The following ALG3 variants were observed in gnomAD, a reference collection of about 807,000 sequenced individuals.
The protein encoded by ALG3 is ALG3 alpha-1,3- mannosyltransferase.
Under a neutral mutation model 50.5 loss-of-function variants are expected in ALG3, and 39 were observed. The observed-to-expected ratio is 0.77, with a 90% CI of 0.60 to 1.01. The LOEUF (loss-of-function observed/expected upper bound fraction) is 1.01, where lower values mean the gene tolerates loss of function less well. ALG3 is among the 50% of genes least tolerant of loss of function. The pLI, the probability that ALG3 is intolerant of heterozygous loss-of-function variation, is 0.00. For synonymous variants in ALG3, 252 were observed against 237.2 expected, an observed-to-expected ratio of 1.06 and a Z score of -0.58; for missense variants, 520 against 554.8, an observed-to-expected ratio of 0.94 and a Z score of 0.63.
rs758528909 is a variant in ALG3, at chr3:184,242,661, C to A, written c.1170G>T (p.Gly390=). 17 of 1,560,610 alleles carry A rather than the reference C, an allele frequency of 1.1e-5. No individual in the cohort carries two copies. In the Admixed American group the frequency reaches 1.3e-4, roughly 11 times the overall value. ...LTHLLRLLVL[G]LIELSWNTYP... is the part of the protein sequence containing the mutation. ...ATGTGTTCCAGGAGAGCTCGATGAG[C>A]CCCAGCACCAACAACCTGGAGATGA... Residue 390 remains glycine (G), a synonymous_variant, in exon 9 of 9, where the codon GGG becomes GGT. Transcript: ENST00000397676.
intron 2 of ALG3, 28 bp from the exon 3 acceptor site, chr3:184,245,643 G>C: frequency 6.2e-7 from 1 of 1,611,660 alleles, no homozygotes; most frequent in Non-Finnish European, 8.5e-7. Context: ...ATGTGAGCCT[G>C]GGTCAGGTCA....
At position 184,245,721 on chromosome 3, in the gene ALG3, T is replaced by G; in HGVS notation, c.288A>C (p.Gly96=). ...YDYTQLQGDT[G]PLVYPAGFVY... Reference sequence around the variant, plus strand: ...TTCCTGTCCCCACTCACACAAGTGGTCCGGTGTCACCCTGCAGTTGGGTAT... The same window carrying G: ...TTCCTGTCCCCACTCACACAAGTGGGCCGGTGTCACCCTGCAGTTGGGTAT... The change falls in exon 2 of 9, where the codon GGA becomes GGC. Residue 96 remains glycine, a synonymous_variant. Coordinates refer to ENST00000397676, the MANE Select transcript of ALG3 (RefSeq NM_005787.6). The G allele has an allele frequency of 6.2e-7, 1 of 1,613,160 alleles. No homozygotes were observed. Among genetic ancestry groups the G allele is most frequent in the Non-Finnish European group, 8.5e-7 (1 of 1,179,190 alleles).
At position 184,242,550 on chromosome 3, in the gene ALG3, G is replaced by C; in HGVS notation, c.1281C>G (p.Phe427Leu). 6.2e-7 allele frequency: 1 copy of C among 1,609,544 alleles called. No homozygotes were observed. The highest frequency in any genetic ancestry group is 8.5e-7 in the Non-Finnish European group (1 of 1,177,530). ...TCTTGCTGTGTTGGGTGCTCTTGGG[G>C]AAAGGCTGCGGGCCCAGCCAGAGCT... ...LLQLWLGPQP[F>L]PKSTQHSKKA... Residue 427 changes from phenylalanine to leucine, a missense_variant, in exon 9 of 9, where the codon TTC (phenylalanine) becomes TTG (leucine). Coordinates refer to ENST00000397676, the MANE Select transcript of ALG3 (RefSeq NM_005787.6).
rs779841743 is a variant in ALG3, at chr3:184,245,686, C to T, written c.296+27G>A. Reference sequence around the variant, plus strand: ...TAGTACCTAACCAGCCCCTCACATCCTCCCTGAACTTCCTGTCCCCACTCA... The same window carrying T: ...TAGTACCTAACCAGCCCCTCACATCTTCCCTGAACTTCCTGTCCCCACTCA... On this transcript the variant is annotated intron_variant, in intron 2 of 8. Transcript: ENST00000397676. 4.3e-6 allele frequency: 7 copies of T among 1,610,186 alleles called. No homozygotes were observed. The East Asian group carries it at 6.7e-5, about 15-fold the overall frequency.
rs1177025121 is a variant in ALG3, at chr3:184,245,189, G to A, written c.605+9C>T. On this transcript the variant is annotated intron_variant, in intron 4 of 8. Coordinates refer to ENST00000397676, the MANE Select transcript of ALG3 (RefSeq NM_005787.6). ...AACGAGAGGGGACCAGAAAGGAAGA[G>A]GTGTTGACCTGAAAAAGCAGCAACC... 5.6e-6 allele frequency: 9 copies of A among 1,613,690 alleles called. No individual in the cohort carries two copies. The highest frequency in any genetic ancestry group is 7.6e-6 in the Non-Finnish European group (9 of 1,179,862).
At position 184,243,657 on chromosome 3, in the gene ALG3, T is replaced by C. The variant is rs375375677; in HGVS notation, c.933-27A>G. On this transcript the variant is annotated intron_variant, in intron 6 of 8. Coordinates refer to ENST00000397676, the MANE Select transcript of ALG3 (RefSeq NM_005787.6). Reference sequence around the variant, plus strand: ...TGGAGAAAAGCCATTCAGACAGTTATCAAGCCCCTTTTGTGAGTCAAACTC... The same window carrying C: ...TGGAGAAAAGCCATTCAGACAGTTACCAAGCCCCTTTTGTGAGTCAAACTC... The C allele has an allele frequency of 2.0e-5, 32 of 1,612,996 alleles. No homozygotes were observed. The African/African-American group carries it at 2.7e-4, about 13-fold the overall frequency.
At position 184,244,739 on chromosome 3, in the gene ALG3, G is replaced by T; in HGVS notation, c.606-18C>A. On this transcript the variant is annotated intron_variant, in intron 4 of 8. Coordinates refer to ENST00000397676, the MANE Select transcript of ALG3 (RefSeq NM_005787.6). The stretch of plus-strand genomic sequence containing the variant: ...CTGCCAGGCTGGGGTGAGCAGGGGA[G>T]AGGAAGGGTGGAGATCAGCTCCAGG... The T allele has an allele frequency of 6.2e-7, 1 of 1,605,544 alleles. No homozygotes were observed. Among genetic ancestry groups the T allele is most frequent in the South Asian group, 1.1e-5 (1 of 89,316 alleles).
chr3:184,244,849 T>A (rs1719043289), intron 4 of ALG3, 128 bp from the exon 5 acceptor site: 1 of 1,312,660 alleles, frequency 7.6e-7, no homozygotes, highest in Non-Finnish European at 1.0e-6. Context: ...AACTCCAAGA[T>A]GGGACCTACA....
intron 8 of ALG3, 53 bp downstream of exon 8, chr3:184,242,760 C>T (rs2108439476): frequency 6.2e-7 from 1 of 1,603,846 alleles, no homozygotes; most frequent in East Asian, 2.2e-5. Flanking sequence ...ACATAAACCC[C>T]CAACAGGAAC....
chr3:184,242,929 G>A lies in ALG3; in HGVS notation c.1038C>T (p.Asn346=). The A allele has an allele frequency of 1.2e-6, 2 of 1,613,678 alleles. No homozygotes were observed. Among genetic ancestry groups the A allele is most frequent in the South Asian group, 1.1e-5 (1 of 91,062 alleles). Residue 346 remains asparagine (N), a synonymous_variant, in exon 8 of 9, where the codon AAC becomes AAT. Transcript: ENST00000397676. ...NQIVSTLFTS[N]FIGICFSRSL... is the part of the protein sequence containing the mutation. ...AGCGGCTGAAGCAGATGCCAATGAA[G>A]TTGGAGGTGAAGAGGGTAGAAACGA... is the stretch of plus-strand genomic sequence containing the variant.
chr3:184,249,000 T>G, upstream of ALG3: 1 of 1,541,058 alleles, frequency 6.5e-7, no homozygotes, highest in Non-Finnish European at 8.7e-7. Context: ...CTTCGACACT[T>G]AGGTTCCGCT....
chr3:184,246,490 G>C (rs1271687398), intron 1 of ALG3, among the ~76,000 whole-genome samples: 1 of 152,184 alleles, frequency 6.6e-6, no homozygotes, highest in Non-Finnish European at 1.5e-5. Flanking sequence ...TAGGATGGTG[G>C]AGTTGGGATT....
chr3:184,243,092 A>G, intron 7 of ALG3, 135 bp from the exon 8 acceptor site: 1 of 1,236,440 alleles, frequency 8.1e-7, no homozygotes, highest in Non-Finnish European at 1.1e-6. Flanking sequence ...CAAGTTTATT[A>G]ACCTCTCTGG....
chr3:184,245,842 T>A, intron 1 of ALG3, 30 bp from the exon 2 acceptor site: 1 of 1,579,638 alleles, frequency 6.3e-7, no homozygotes, highest in Non-Finnish European at 8.7e-7. Context: ...TCTGGTTACT[T>A]CTGAGTCTAG....
At chr3:184,248,297 G>A (rs1038104217) in intron 1 of ALG3, among the ~76,000 whole-genome samples, 2 of 152,214 alleles carry the variant, frequency 1.3e-5, no homozygotes, top group Non-Finnish European at 2.9e-5. Context: ...TATAGTTTCA[G>A]CCTGGAAAGG....
intron 5 of ALG3, 134 bp from the exon 6 acceptor site, chr3:184,244,130 A>G (rs1224996608): frequency 2.2e-6 from 2 of 911,896 alleles, no homozygotes; most frequent in Non-Finnish European, 1.7e-6. Context: ...AAATAGCAGG[A>G]AAACCACGTT....
At chr3:184,242,767 G>T in intron 8 of ALG3, 46 bp downstream of exon 8, 1 of 1,605,160 alleles carries the variant, frequency 6.2e-7, no homozygotes, top group South Asian at 1.1e-5. Context: ...CCCCCAACAG[G>T]AACTCCCTAT....
At chr3:184,244,781 C>G in intron 4 of ALG3, 60 bp from the exon 5 acceptor site, 1 of 1,568,416 alleles carries the variant, frequency 6.4e-7, no homozygotes, top group Middle Eastern at 1.9e-4. Context: ...CACACAACAC[C>G]CAAAGACATA....
At chr3:184,248,177 T>A (rs924750160) in intron 1 of ALG3, among the ~76,000 whole-genome samples, 1 of 152,190 alleles carries the variant, frequency 6.6e-6, no homozygotes, top group Non-Finnish European at 1.5e-5. Flanking sequence ...TATTCACCAC[T>A]GTACCTCTCT....
Sources: gnomAD v4.1 joint callset for allele counts (sites outside exome capture counted in the v4.1 genomes callset) on GRCh38, gnomAD v4.1.1 for gene constraint, MANE v1.5 for transcripts, NCBI Gene and HGNC (gene_info 2026-07-23, HGNC 2026-07-21) for gene names.